The following ZFYVE21 variants were observed in gnomAD, a reference collection of about 807,000 sequenced individuals.
ZFYVE21 encodes zinc finger FYVE domain-containing protein 21.
A neutral mutation model predicts 29.5 loss-of-function variants in ZFYVE21; 21 were observed. The ratio of observed to expected loss-of-function variants is 0.71; its 90% confidence interval spans 0.50 to 1.02. ZFYVE21 has a LOEUF of 1.02. ZFYVE21 is among the 50% of genes least tolerant of loss of function. The probability of loss-of-function intolerance (pLI) is 0.00; values close to 1 mark genes in which losing one functional copy is unlikely to be tolerated. For synonymous variants in ZFYVE21, 151 were observed against 133.8 expected (o/e 1.13, Z -0.89); for missense variants, 326 against 335.4 (o/e 0.97, Z 0.22).
chr14:103,724,651 T>C (rs1017930172), intron 1 of ZFYVE21: 8 of 152,212 alleles, frequency 5.3e-5, no homozygotes, highest in African/African-American at 1.9e-4. Context: ...GGATGATTCT[T>C]GGTCAATATT....
intron 1 of ZFYVE21, among the ~76,000 whole-genome samples, chr14:103,722,542 G>C (rs956790023): frequency 3.3e-5 from 5 of 151,918 alleles, no homozygotes; most frequent in African/African-American, 4.8e-5. Context: ...TGTTCAGGCC[G>C]GGCACGGTGG....
At chr14:103,728,809 C>T in intron 3 of ZFYVE21, 99 bp from the exon 4 acceptor site, 1 of 1,175,730 alleles carries the variant, frequency 8.5e-7, no homozygotes, top group Non-Finnish European at 1.2e-6. Context: ...GCTGTTTTTA[C>T]TCTGTCCTCT....
chr14:103,732,966 T>C lies in ZFYVE21; in HGVS notation c.670-17T>C. 6.2e-7 allele frequency: 1 copy of C among 1,614,116 alleles called. No homozygotes were observed. Among genetic ancestry groups the C allele is most frequent in the South Asian group, 1.1e-5 (1 of 91,086 alleles). ...GACCAAGCAGGCCTCACTGTGTTGA[T>C]CTTGTCTGATCTGCAGGCTGCCAAG... On this transcript the variant is annotated splice_polypyrimidine_tract_variant and intron_variant, in intron 6 of 6. Transcript: ENST00000311141.
At chr14:103,726,724 G>A (rs988421739) in intron 1 of ZFYVE21, 68 bp from the exon 2 acceptor site, 21 of 1,596,084 alleles carry the variant, frequency 1.3e-5, no homozygotes, top group South Asian at 8.8e-5. Flanking sequence ...TCAGCAGCCC[G>A]TGGTCGTGCC....
intron 2 of ZFYVE21, chr14:103,727,360 G>GCCCCCCCCCCCCCCCC: frequency 5.6e-6 from 2 of 358,080 alleles, no homozygotes; most frequent in Non-Finnish European, 1.1e-5. Context: ...GCACCCACCT[G>GCCCCCCCCCCCCCCCC]CCCCCCGCCC....
Position 103,733,095 on chromosome 14 carries a change from C to G in ZFYVE21, c.*77C>G. On this transcript the variant is annotated 3_prime_UTR_variant, in exon 7 of 7. Transcript: ENST00000311141. ...TTGGAACAGCAGAGCCTGCTCCTTG[C>G]GTACCACAGGGATTAATCCTGCTTG... 3 of 1,583,072 alleles carry G rather than the reference C, an allele frequency of 1.9e-6. No homozygotes were observed. In the South Asian group the frequency reaches 3.3e-5, roughly 18 times the overall value.
chr14:103,728,699 T>C (rs2083950074), intron 3 of ZFYVE21: 1 of 574,378 alleles, frequency 1.7e-6, no homozygotes, highest in Non-Finnish European at 3.1e-6. Context: ...AGAACCTGTC[T>C]AGAGCAGCGC....
intron 5 of ZFYVE21, 171 bp from the exon 6 acceptor site, chr14:103,732,449 G>C: frequency 1.4e-6 from 1 of 710,000 alleles, no homozygotes; most frequent in Middle Eastern, 4.1e-4. Context: ...TCTCCCCTCA[G>C]AGGCCTGAGG....
chr14:103,728,653 G>C (rs1324094260), intron 3 of ZFYVE21: 1 of 481,254 alleles, frequency 2.1e-6, no homozygotes, highest in Admixed American at 3.7e-5. Context: ...TCGTTTGAAG[G>C]ATGTAAAAGA....
At chr14:103,727,091 G>T (rs1319987668) in intron 2 of ZFYVE21, 6 of 477,334 alleles carry the variant, frequency 1.3e-5, no homozygotes, top group Non-Finnish European at 1.9e-5. Flanking sequence ...GATTACAGGG[G>T]CTTGCCACCA....
intron 2 of ZFYVE21, chr14:103,727,296 C>A: frequency 2.8e-6 from 1 of 362,126 alleles, no homozygotes; most frequent in Non-Finnish European, 5.4e-6. Flanking sequence ...TGGAAAGTGA[C>A]TGTGCTGATT....
chr14:103,727,197 C>T (rs1292397912), intron 2 of ZFYVE21: 3 of 346,838 alleles, frequency 8.6e-6, no homozygotes, highest in South Asian at 2.3e-5. Context: ...CCTCCCACCT[C>T]GGCCTCCCAA....
At position 103,733,246 on chromosome 14, in the gene ZFYVE21, A is replaced by G; in HGVS notation, c.*228A>G. ...GTTTTAGAATTTGTGTATTGTCAAT[A>G]CTTAATTGGGGGTGGGAGAGACTGA... On this transcript the variant is annotated 3_prime_UTR_variant, in exon 7 of 7. Transcript: ENST00000311141. 1 of 562,840 alleles carries G rather than the reference A, an allele frequency of 1.8e-6. No individual in the cohort carries two copies. The highest frequency in any genetic ancestry group is 3.1e-6 in the Non-Finnish European group (1 of 321,040). 34.9% of individuals were successfully genotyped at this position (562,840 alleles called of 1,614,324 possible).
chr14:103,726,781 G>A lies in ZFYVE21; in HGVS notation c.139-11G>A. ...AAGCTGCGTTTTAACGCTTTGTCGTGTCTTTCCTAGTGTCGGAGATGTATG... is the reference window on the plus strand; with the variant it reads ...AAGCTGCGTTTTAACGCTTTGTCGTATCTTTCCTAGTGTCGGAGATGTATG... On this transcript the variant is annotated splice_polypyrimidine_tract_variant and intron_variant, in intron 1 of 6. Transcript: ENST00000311141. 6.2e-7 allele frequency: 1 copy of A among 1,613,928 alleles called. No homozygotes were observed. The highest frequency in any genetic ancestry group is 8.5e-7 in the Non-Finnish European group (1 of 1,179,884).
chr14:103,723,991 C>T (rs1226737629), intron 1 of ZFYVE21, among the ~76,000 whole-genome samples: 1 of 152,196 alleles, frequency 6.6e-6, no homozygotes, highest in East Asian at 1.9e-4. Context: ...CTCCTCCACA[C>T]CAGCGTCTTC....
At chr14:103,728,832 C>T (rs894472418) in intron 3 of ZFYVE21, 76 bp from the exon 4 acceptor site, 1 of 1,433,926 alleles carries the variant, frequency 7.0e-7, no homozygotes, top group Admixed American at 1.7e-5. Flanking sequence ...GCGTGCGTCT[C>T]CTACTGGTAC....
At chr14:103,726,547 G>A (rs2083926150) in intron 1 of ZFYVE21, 1 of 517,704 alleles carries the variant, frequency 1.9e-6, no homozygotes, top group Non-Finnish European at 3.5e-6. Flanking sequence ...CCCACCTCAG[G>A]CCCCATGGTT....
At chr14:103,720,738 G>C (rs934229462) in intron 1 of ZFYVE21, among the ~76,000 whole-genome samples, 1 of 152,182 alleles carries the variant, frequency 6.6e-6, no homozygotes, top group South Asian at 2.1e-4. Flanking sequence ...GCATTGGAGT[G>C]GGGGAGCGGG....
intron 5 of ZFYVE21, 103 bp downstream of exon 5, chr14:103,729,285 T>C (rs2151952867): frequency 9.1e-7 from 1 of 1,104,532 alleles, no homozygotes; most frequent in African/African-American, 1.6e-5. Flanking sequence ...CCCTGAGGAG[T>C]GGGGTCTGCT....
Sources: allele counts gnomAD v4.1 joint callset (sites outside exome capture counted in the v4.1 genomes callset), GRCh38; gene constraint gnomAD v4.1.1; transcripts MANE v1.5; gene names NCBI Gene and HGNC (gene_info 2026-07-23, HGNC 2026-07-21).